Variants in SYNPR observed in about 807,000 individuals in gnomAD.
SYNPR encodes synaptoporin.
SYNPR carries 23 observed loss-of-function variants against 32.9 expected under a neutral mutation model. The observed-to-expected ratio is 0.70, with a 90% confidence interval of 0.50 to 0.99. The LOEUF (loss-of-function observed/expected upper bound fraction) is 0.99. Among genes scored for constraint, SYNPR ranks in the 50% least tolerant of loss-of-function variants. The pLI is 0.00. For synonymous variants in SYNPR, 146 were observed against 135.9 expected (o/e 1.07, Z -0.52); for missense variants, 318 against 349.3 (o/e 0.91, Z 0.71).
intron 3 of SYNPR, among the ~76,000 whole-genome samples, chr3:63,554,367 G>A (rs72887389): frequency 0.043 from 6,578 of 152,164 alleles, 490 homozygotes; most frequent in African/African-American, 0.15. Context: ...TCTGTAATCC[G>A]TCTTGAGTTA....
intron 2 of SYNPR, among the ~76,000 whole-genome samples, chr3:63,340,092 T>G (rs922534809): frequency 2.0e-5 from 3 of 152,218 alleles, no homozygotes; most frequent in African/African-American, 7.2e-5. Context: ...AATGTAACCC[T>G]TGGGGACTGG....
chr3:63,500,360 G>T (rs1701456317), intron 3 of SYNPR, among the ~76,000 whole-genome samples: 1 of 152,072 alleles, frequency 6.6e-6, no homozygotes, highest in Admixed American at 6.6e-5. Context: ...TGAATCCAGG[G>T]TTACGAGATC....
the SYNPR span, among the ~76,000 whole-genome samples, chr3:63,201,507 G>A: frequency 1.3e-5 from 2 of 152,108 alleles, no homozygotes; most frequent in Admixed American, 1.3e-4. Context: ...TCACTAGTAG[G>A]ATAACACTAT....
chr3:63,559,316 A>C (rs1702646410), intron 4 of SYNPR, among the ~76,000 whole-genome samples: 1 of 152,128 alleles, frequency 6.6e-6, no homozygotes, highest in African/African-American at 2.4e-5. Flanking sequence ...GGACTCAAGC[A>C]ATCTAGCAGC....
chr3:63,446,693 GC>G (rs1359722427), intron 2 of SYNPR, among the ~76,000 whole-genome samples: 3 of 152,104 alleles, frequency 2.0e-5, no homozygotes, highest in Non-Finnish European at 2.9e-5. Context: ...ATAGAACCTA[GC>G]TCACAACACC....
intron 2 of SYNPR, among the ~76,000 whole-genome samples, chr3:63,370,576 T>C (rs776412559): frequency 1.3e-5 from 2 of 152,206 alleles, no homozygotes; most frequent in Non-Finnish European, 2.9e-5. Context: ...TACTGTGGTG[T>C]TTAAAATGGA....
chr3:63,476,080 G>C (rs1017007653), intron 2 of SYNPR, among the ~76,000 whole-genome samples: 3 of 142,800 alleles, frequency 2.1e-5, no homozygotes, highest in Non-Finnish European at 4.6e-5. Context: ...AGGAAGAATA[G>C]AGGAAGGGAG....
At chr3:63,484,527 T>C (rs6799191) in intron 3 of SYNPR, among the ~76,000 whole-genome samples, 65,725 of 151,914 alleles carry the variant, frequency 0.43, 14,265 homozygotes, top group East Asian at 0.49. Context: ...TAGGGGGCTA[T>C]AGGAACAAAA....
At chr3:63,242,128 A>G (rs188838154) in intron 1 of SYNPR, among the ~76,000 whole-genome samples, 74 of 152,138 alleles carry the variant, frequency 4.9e-4, no homozygotes, top group Admixed American at 1.2e-3. Context: ...AGATAAGAAA[A>G]TAAAAGATAA....
chr3:63,445,714 T>A, intron 2 of SYNPR: 1 of 516,476 alleles, frequency 1.9e-6, no homozygotes, highest in Non-Finnish European at 3.5e-6. Flanking sequence ...ATAGGACAAG[T>A]ATGTAACTTA....
intron 2 of SYNPR, among the ~76,000 whole-genome samples, chr3:63,462,237 A>G (rs1031579862): frequency 6.6e-6 from 1 of 152,048 alleles, no homozygotes; most frequent in Non-Finnish European, 1.5e-5. Flanking sequence ...TGTTCACCTT[A>G]TCTGAGAAGA....
chr3:63,282,338 T>G (rs2086638040), intron 2 of SYNPR, among the ~76,000 whole-genome samples: 1 of 152,222 alleles, frequency 6.6e-6, no homozygotes, highest in Non-Finnish European at 1.5e-5. Flanking sequence ...AAGGCTATAT[T>G]ATTCTAATGA....
At chr3:63,603,554 G>A (rs1340880374) in intron 4 of SYNPR, among the ~76,000 whole-genome samples, 1 of 152,094 alleles carries the variant, frequency 6.6e-6, no homozygotes, top group African/African-American at 2.4e-5. Context: ...TTAACATGAA[G>A]GGAAGTTGAA....
At chr3:63,379,287 T>C (rs2087934934) in intron 2 of SYNPR, among the ~76,000 whole-genome samples, 1 of 152,174 alleles carries the variant, frequency 6.6e-6, no homozygotes, top group South Asian at 2.1e-4. Context: ...AGTATATGTA[T>C]TCTGCTGTCG....
Position 63,596,301 on chromosome 3 carries a change from C to T in SYNPR, c.409-12824C>T, listed in dbSNP as rs1299948942. 2.2e-5 allele frequency among the ~76,000 whole-genome samples: 3 copies of T among 135,160 alleles called. No individual in the cohort carries two copies. The Admixed American group carries it at 2.3e-4, about 10-fold the overall frequency. 88.7% of individuals were successfully genotyped at this position (135,160 alleles called of 152,430 possible). ...TTTCTTTACTTCCTTCCCCCTCCTC[C>T]CCCTTCTCCTTCCCCAATGCTCCCC... On this transcript the variant is annotated intron_variant, in intron 4 of 5. Coordinates refer to ENST00000478300, the MANE Select transcript of SYNPR (RefSeq NM_001130003.2).
chr3:63,307,720 C>T (rs2106948987), intron 2 of SYNPR, among the ~76,000 whole-genome samples: 1 of 151,988 alleles, frequency 6.6e-6, no homozygotes, highest in South Asian at 2.1e-4. Flanking sequence ...TTTACAAGTT[C>T]TGTAAATTTT....
At chr3:63,507,029 A>G (rs1334220624) in intron 3 of SYNPR, among the ~76,000 whole-genome samples, 4 of 152,042 alleles carry the variant, frequency 2.6e-5, no homozygotes, top group Admixed American at 2.6e-4. Flanking sequence ...ATGAAGAACT[A>G]GCCTCAGAAA....
chr3:63,462,719 T>C (rs558801008), intron 2 of SYNPR, among the ~76,000 whole-genome samples: 1 of 152,332 alleles, frequency 6.6e-6, no homozygotes, highest in African/African-American at 2.4e-5. Flanking sequence ...TCTTCATCTA[T>C]TATGACTGGG....
chr3:63,547,505 A>C (rs1235445200), intron 3 of SYNPR, among the ~76,000 whole-genome samples: 1 of 152,132 alleles, frequency 6.6e-6, no homozygotes, highest in East Asian at 1.9e-4. Flanking sequence ...GGCATAAAGG[A>C]GAATCTTATT....
Sources: gnomAD v4.1 joint callset for allele counts (sites outside exome capture counted in the v4.1 genomes callset) on GRCh38, gnomAD v4.1.1 for gene constraint, MANE v1.5 for transcripts, NCBI Gene and HGNC (gene_info 2026-07-23, HGNC 2026-07-21) for gene names.